The following SPAG16 variants were observed in gnomAD, a reference collection of about 807,000 sequenced individuals.
SPAG16 encodes the protein sperm associated antigen 16.
SPAG16 carries 86 observed loss-of-function variants against 80.4 expected under a neutral mutation model. That is an observed-to-expected ratio of 1.07 (90% CI 0.90 to 1.28). The LOEUF (loss-of-function observed/expected upper bound fraction) is 1.28. SPAG16 is among the 50% of genes most tolerant of loss of function. The pLI, the probability that SPAG16 is intolerant of heterozygous loss-of-function variation, is 0.00. For missense variants in SPAG16, 870 were observed against 765.3 expected, an observed-to-expected ratio of 1.14 and a Z score of -1.61; for synonymous variants, 294 against 265.9, an observed-to-expected ratio of 1.11 and a Z score of -1.03.
chr2:213,955,053 CTTTT>C (rs981633183), intron 12 of SPAG16, among the ~76,000 whole-genome samples: 1 of 151,738 alleles, frequency 6.6e-6, no homozygotes, highest in African/African-American at 2.4e-5. Context: ...TCTTTTATTT[CTTTT>C]TTTATTAGGC....
At chr2:214,319,056 C>A (rs1695894238) in intron 15 of SPAG16, among the ~76,000 whole-genome samples, 1 of 152,114 alleles carries the variant, frequency 6.6e-6, no homozygotes, top group African/African-American at 2.4e-5. Context: ...GAAACAATGC[C>A]AGTTTTGAAA....
At chr2:213,741,058 C>A (rs750304497) in intron 10 of SPAG16, among the ~76,000 whole-genome samples, 2 of 151,928 alleles carry the variant, frequency 1.3e-5, no homozygotes, top group East Asian at 1.9e-4. Context: ...ATTAATTTAA[C>A]GCCTCATAAC....
intron 10 of SPAG16, among the ~76,000 whole-genome samples, chr2:213,585,566 A>G (rs1169656259): frequency 6.6e-6 from 1 of 152,168 alleles, no homozygotes; most frequent in Non-Finnish European, 1.5e-5. Flanking sequence ...GTAAGTAACC[A>G]GCCTGGCAGA....
intron 9 of SPAG16, among the ~76,000 whole-genome samples, chr2:213,414,946 GATGCCAAA>G (rs1456326156): frequency 6.6e-6 from 1 of 152,240 alleles, no homozygotes; most frequent in African/African-American, 2.4e-5. Flanking sequence ...GAATGAGGAA[GATGCCAAA>G]ATGGAAACCC....
At position 214,409,828 on chromosome 2, in the gene SPAG16, A is replaced by T. The variant is rs182753165; in HGVS notation, c.1721-312A>T. Among the ~76,000 whole-genome samples, 5 of 152,336 alleles carry T rather than the reference A, an allele frequency of 3.3e-5. No homozygotes were observed. The South Asian group carries it at 8.3e-4, about 25-fold the overall frequency. On this transcript the variant is annotated intron_variant, in intron 15 of 15. Transcript: ENST00000331683. ...GCCTTGCATAGTTGCTTTCAATCTCATCTCCTCGAAATGCTTTATTAATCA... is the reference window on the plus strand; with the variant it reads ...GCCTTGCATAGTTGCTTTCAATCTCTTCTCCTCGAAATGCTTTATTAATCA...
chr2:213,324,221 C>A (rs1362512582), intron 5 of SPAG16, among the ~76,000 whole-genome samples: 4 of 151,424 alleles, frequency 2.6e-5, no homozygotes, highest in Non-Finnish European at 5.9e-5. Flanking sequence ...ATTCTTATTT[C>A]ACTTCTACTC....
At chr2:213,931,334 T>G (rs1291211258) in intron 12 of SPAG16, among the ~76,000 whole-genome samples, 1 of 152,154 alleles carries the variant, frequency 6.6e-6, no homozygotes, top group Non-Finnish European at 1.5e-5. Flanking sequence ...TAGACCTATG[T>G]CTATCTGAAA....
intron 10 of SPAG16, among the ~76,000 whole-genome samples, chr2:213,706,266 A>AGCCAGAAAAG (rs2065748800): frequency 6.6e-6 from 1 of 152,098 alleles, no homozygotes; most frequent in Non-Finnish European, 1.5e-5. Flanking sequence ...AAAGTGCTGG[A>AGCCAGAAAAG]CTCTATCCTC....
chr2:213,722,068 G>C (rs1420687365), intron 10 of SPAG16, among the ~76,000 whole-genome samples: 1 of 152,166 alleles, frequency 6.6e-6, no homozygotes, highest in Non-Finnish European at 1.5e-5. Flanking sequence ...GACATGTCTT[G>C]TGCCCTCAAG....
rs751493899 is a variant in SPAG16, at chr2:213,340,181, G to C, written c.555G>C (p.Leu185Phe). 5.0e-6 allele frequency: 8 copies of C among 1,609,316 alleles called. No homozygotes were observed. The highest frequency in any genetic ancestry group is 6.8e-6 in the Non-Finnish European group (8 of 1,177,910). ...TTTTCAGCAAAGCTAGAGAAGATTT[G>C]CTGAAAATTCAGAAAGAACGTGATT... ...KQAADKARED[L>F]LKIQKERDFH... is the part of the protein sequence containing the mutation. Residue 185 changes from leucine to phenylalanine, a missense_variant, in exon 6 of 16, where the codon TTG becomes TTC. Coordinates refer to ENST00000331683, the MANE Select transcript of SPAG16 (RefSeq NM_024532.5).
intron 10 of SPAG16, among the ~76,000 whole-genome samples, chr2:213,602,632 C>G (rs1371220846): frequency 6.6e-6 from 1 of 152,178 alleles, no homozygotes; most frequent in Non-Finnish European, 1.5e-5. Flanking sequence ...GACTCCGTCT[C>G]ACAAAACAAA....
intron 15 of SPAG16, among the ~76,000 whole-genome samples, chr2:214,400,721 T>C (rs1701659318): frequency 6.6e-6 from 1 of 152,080 alleles, no homozygotes; most frequent in African/African-American, 2.4e-5. Flanking sequence ...GTTCACATAA[T>C]GGTAGATTAT....
chr2:214,233,878 T>C (rs966739003), intron 15 of SPAG16, among the ~76,000 whole-genome samples: 4 of 152,080 alleles, frequency 2.6e-5, no homozygotes, highest in African/African-American at 9.7e-5. Context: ...CGACAAACTT[T>C]TGTGGTTTTT....
intron 10 of SPAG16, among the ~76,000 whole-genome samples, chr2:213,823,623 G>A (rs570020130): frequency 1.3e-5 from 2 of 152,282 alleles, no homozygotes; most frequent in South Asian, 4.1e-4. Flanking sequence ...GCCTCCCAAA[G>A]TGCTCAGATT....
At chr2:213,435,373 G>T (rs1371643066) in intron 9 of SPAG16, among the ~76,000 whole-genome samples, 2 of 152,170 alleles carry the variant, frequency 1.3e-5, no homozygotes, top group Non-Finnish European at 2.9e-5. Context: ...AGACATTGGA[G>T]CCTGGGAAAG....
At chr2:214,246,879 AT>A (rs1414535099) in intron 15 of SPAG16, among the ~76,000 whole-genome samples, 3 of 152,330 alleles carry the variant, frequency 2.0e-5, no homozygotes, top group East Asian at 1.9e-4. Context: ...TTTGAAAAAA[AT>A]ATAACCTTTC....
intron 11 of SPAG16, among the ~76,000 whole-genome samples, chr2:213,868,130 T>C (rs1277731387): frequency 1.3e-5 from 2 of 152,062 alleles, no homozygotes; most frequent in African/African-American, 4.8e-5. Context: ...AGTTATAAAC[T>C]GAAAACCAAA....
chr2:213,411,361 AT>A (rs2068955943), intron 9 of SPAG16, among the ~76,000 whole-genome samples: 1 of 152,242 alleles, frequency 6.6e-6, no homozygotes, highest in Non-Finnish European at 1.5e-5. Context: ...ATTAATAAAA[AT>A]GTAGATTGGA....
chr2:214,279,711 T>C (rs1394221809), intron 15 of SPAG16, among the ~76,000 whole-genome samples: 1 of 152,206 alleles, frequency 6.6e-6, no homozygotes, highest in African/African-American at 2.4e-5. Context: ...CATCCATCAA[T>C]AGCACAACAC....
Sources: allele counts gnomAD v4.1 joint callset (sites outside exome capture counted in the v4.1 genomes callset), GRCh38; gene constraint gnomAD v4.1.1; transcripts MANE v1.5; gene names NCBI Gene and HGNC (gene_info 2026-07-23, HGNC 2026-07-21).